CC2D2A: variants seen among roughly 807,000 people sequenced by gnomAD.
The protein encoded by CC2D2A is coiled-coil and C2 domain containing 2A, also known as coiled-coil and C2 domain-containing protein 2A.
CC2D2A carries 155 observed loss-of-function variants against 212.9 expected under a neutral mutation model. The observed-to-expected ratio is 0.73, with a 90% confidence interval of 0.64 to 0.83. The LOEUF is 0.83. Ranked by LOEUF, CC2D2A falls within the 40% of genes least tolerant of loss-of-function variation. The pLI, the probability that CC2D2A is intolerant of heterozygous loss-of-function variation, is 0.00. For synonymous variants in CC2D2A, 667 were observed against 686.5 expected, an observed-to-expected ratio of 0.97 and a Z score of 0.44; for missense variants, 1,856 against 1,956.2, an observed-to-expected ratio of 0.95 and a Z score of 0.97.
chr4:15,502,336 T>G, intron 4 of CC2D2A, 93 bp from the exon 5 acceptor site: 12 of 961,722 alleles, frequency 1.2e-5, no homozygotes, highest in Non-Finnish European at 1.7e-5. Flanking sequence ...AACCTTCCCT[T>G]TTGGGGGGAG....
chr4:15,586,802 T>C (rs1720871524), intron 31 of CC2D2A, among the ~76,000 whole-genome samples: 1 of 152,242 alleles, frequency 6.6e-6, no homozygotes, highest in Non-Finnish European at 1.5e-5. Flanking sequence ...CAGGTATTAA[T>C]TCTACTTCTG....
At chr4:15,494,888 G>A (rs915047584) in intron 4 of CC2D2A, among the ~76,000 whole-genome samples, 2 of 152,126 alleles carry the variant, frequency 1.3e-5, no homozygotes, top group African/African-American at 4.8e-5. Context: ...AAACAGAATG[G>A]TGACTTCACA....
rs143681243 is a variant in CC2D2A at position 15,541,021 on chromosome 4, A to G, written c.2181+7A>G. On this transcript the variant is annotated splice_region_variant and intron_variant, in intron 17 of 36. Coordinates refer to ENST00000424120, the MANE Select transcript of CC2D2A (RefSeq NM_001378615.1). ...GGAGAGTTTAACACTTCAGGTACAC[A>G]TTTTAATTATAGTTACTGGCCGGGC... 3 of 1,529,896 alleles carry G rather than the reference A, an allele frequency of 2.0e-6. No homozygotes were observed. The highest frequency in any genetic ancestry group is 1.4e-5 in the African/African-American group (1 of 72,476). The allele number at this position is 1,529,896 out of a possible 1,614,324, so 94.8% of individuals were successfully genotyped here.
chr4:15,531,902 C>G (rs1302315720), intron 13 of CC2D2A, among the ~76,000 whole-genome samples: 1 of 152,160 alleles, frequency 6.6e-6, no homozygotes. Flanking sequence ...GCATAGGAGA[C>G]GAACTGACCA....
At chr4:15,591,007 C>T (rs1285960809) in intron 33 of CC2D2A, among the ~76,000 whole-genome samples, 6 of 152,198 alleles carry the variant, frequency 3.9e-5, no homozygotes, top group African/African-American at 1.2e-4. Flanking sequence ...GGATTACAGG[C>T]GCGAGCCACC....
At chr4:15,596,914 A>G (rs7661102) in intron 34 of CC2D2A, among the ~76,000 whole-genome samples, 43,426 of 152,072 alleles carry the variant, frequency 0.29, 6,531 homozygotes, top group East Asian at 0.47. Flanking sequence ...CCCTCTAAAA[A>G]TATGTTTGTT....
At position 15,596,211 on chromosome 4, in the gene CC2D2A, T is replaced by G; in HGVS notation, c.4437+4T>G. On this transcript the variant is annotated splice_donor_region_variant and intron_variant, in intron 34 of 36. Coordinates refer to ENST00000424120, the MANE Select transcript of CC2D2A (RefSeq NM_001378615.1). ...TCCTGGCCTTTCCAGTGTTCAGGTA[T>G]AAATCTTTTATTAACAGTTAAATGT... The G allele has an allele frequency of 6.6e-7, 1 of 1,509,776 alleles. No individual in the cohort carries two copies. Among genetic ancestry groups the G allele is most frequent in the Non-Finnish European group, 8.8e-7 (1 of 1,130,016 alleles). The allele number at this position is 1,509,776 out of a possible 1,614,324, so 93.5% of individuals were successfully genotyped here.
intron 29 of CC2D2A, chr4:15,576,419 C>T (rs1320244565): frequency 1.0e-6 from 1 of 967,478 alleles, no homozygotes; most frequent in East Asian, 1.1e-4. Flanking sequence ...CATATGGAAC[C>T]ATTCCATAGG....
chr4:15,480,799 G>A lies in CC2D2A; in HGVS notation c.219G>A (p.Leu73=), dbSNP rs1714589447. 6.2e-7 allele frequency: 1 copy of A among 1,613,282 alleles called. No individual in the cohort carries two copies. Among genetic ancestry groups the A allele is most frequent in the African/African-American group, 1.3e-5 (1 of 74,902 alleles). ...AGGAGGAGCCCAAGACCCGCCTCCT[G>A]AGTATGACAGTCCGGAGAGGCCCAC... ...PVQEEPKTRL[L]SMTVRRGPRS... The change falls in exon 4 of 37, where the codon CTG becomes CTA. Residue 73 remains leucine (L), a synonymous_variant. Coordinates refer to ENST00000424120, the MANE Select transcript of CC2D2A (RefSeq NM_001378615.1).
Position 15,540,874 on chromosome 4 carries a change from T to G in CC2D2A, c.2041T>G (p.Ser681Ala). Residue 681 changes from serine to alanine, a missense_variant, in exon 17 of 37, where the codon TCA (serine) becomes GCA (alanine). By Grantham distance (99) the Ser-to-Ala change is moderately conservative (BLOSUM62 1). Transcript: ENST00000424120. ...GAGAAGGGAGGATGTAAAGAAGCGCTCAGTGTACTTAAAAGTGCTGTTCAA... is the reference window on the plus strand; with the variant it reads ...GAGAAGGGAGGATGTAAAGAAGCGCGCAGTGTACTTAAAAGTGCTGTTCAA... The part of the protein sequence containing the change: ...VSRREDVKKR[S>A]VYLKVLFNNK... 1 of 1,599,474 alleles carries G rather than the reference T, an allele frequency of 6.3e-7. No individual in the cohort carries two copies. Among genetic ancestry groups the G allele is most frequent in the Non-Finnish European group, 8.5e-7 (1 of 1,172,860 alleles).
intron 33 of CC2D2A, among the ~76,000 whole-genome samples, chr4:15,591,958 C>A (rs1721125755): frequency 6.6e-6 from 1 of 152,120 alleles, no homozygotes; most frequent in African/African-American, 2.4e-5. Flanking sequence ...TTGTGCATCC[C>A]CCATTGTAGC....
intron 28 of CC2D2A, among the ~76,000 whole-genome samples, chr4:15,572,881 G>A (rs779251973): frequency 4.8e-4 from 73 of 152,108 alleles, no homozygotes; most frequent in Admixed American, 3.1e-3. Flanking sequence ...AACTACTGGT[G>A]TAAGTCCAAG....
At chr4:15,477,468 T>C (rs1295825008) in intron 2 of CC2D2A, among the ~76,000 whole-genome samples, 1 of 152,198 alleles carries the variant, frequency 6.6e-6, no homozygotes, top group Non-Finnish European at 1.5e-5. Flanking sequence ...CTATCTTATT[T>C]GAAGTCCTAC....
rs115575625 is a variant in CC2D2A, at chr4:15,479,613, G to A, written c.123+807G>A. 2.8e-3 allele frequency among the ~76,000 whole-genome samples: 431 copies of A among 152,248 alleles called. 2 individuals are homozygous for A. The highest frequency in any genetic ancestry group is 9.9e-3 in the African/African-American group (411 of 41,538). ...GTCACTTTCAGCCTTTCAAGGGAGG[G>A]TCCAGGTGGTTGGGGAGGTACTGCC... is the stretch of plus-strand genomic sequence containing the variant. On this transcript the variant is annotated intron_variant, in intron 3 of 36. Transcript: ENST00000424120.
intron 17 of CC2D2A, among the ~76,000 whole-genome samples, chr4:15,541,663 G>A (rs1392742097): frequency 6.6e-6 from 1 of 152,078 alleles, no homozygotes; most frequent in Non-Finnish European, 1.5e-5. Flanking sequence ...GGACTCTAGT[G>A]TAATATAACA....
chr4:15,470,437 A>T (rs545283741), intron 1 of CC2D2A, among the ~76,000 whole-genome samples: 177 of 152,208 alleles, frequency 1.2e-3, no homozygotes, highest in African/African-American at 3.9e-3. Context: ...TCTTGGTATG[A>T]GACAGAGAAA....
chr4:15,538,288 T>A, intron 16 of CC2D2A, 151 bp downstream of exon 16: 2 of 517,436 alleles, frequency 3.9e-6, no homozygotes, highest in East Asian at 1.5e-4. Flanking sequence ...GAATATTAGG[T>A]TGAACCACAT....
chr4:15,574,740 T>C (rs1004246026), intron 29 of CC2D2A, among the ~76,000 whole-genome samples: 1 of 152,246 alleles, frequency 6.6e-6, no homozygotes, highest in African/African-American at 2.4e-5. Flanking sequence ...TCCTTGGCTA[T>C]GGTATGCATT....
intron 16 of CC2D2A, among the ~76,000 whole-genome samples, chr4:15,539,787 T>C (rs1310781013): frequency 6.6e-6 from 1 of 152,234 alleles, no homozygotes; most frequent in African/African-American, 2.4e-5. Context: ...TAATCTTTTA[T>C]GAGTGGAGTC....
Sources: allele counts gnomAD v4.1 joint callset (sites outside exome capture counted in the v4.1 genomes callset), GRCh38; gene constraint gnomAD v4.1.1; transcripts MANE v1.5; gene names NCBI Gene and HGNC (gene_info 2026-07-23, HGNC 2026-07-21).